The following TM4SF5 variants were observed in gnomAD, a reference collection of about 807,000 sequenced individuals.
TM4SF5 encodes transmembrane 4 L six family member 5.
TM4SF5 carries 16 observed loss-of-function variants against 22.3 expected under a neutral mutation model. The ratio of observed to expected loss-of-function variants is 0.72; its 90% CI spans 0.49 to 1.09. The LOEUF (loss-of-function observed/expected upper bound fraction) is 1.09, where lower values mean the gene tolerates loss of function less well. TM4SF5 is among the 50% of genes least tolerant of loss of function. TM4SF5 has a pLI of 0.00. For synonymous variants in TM4SF5, 113 were observed against 109.6 expected, an observed-to-expected ratio of 1.03 and a Z score of -0.19; for missense variants, 249 against 266.1, an observed-to-expected ratio of 0.94 and a Z score of 0.45.
At chr17:4,780,957 A>G in intron 2 of TM4SF5, 88 bp downstream of exon 2, 1 of 1,153,038 alleles carries the variant, frequency 8.7e-7, no homozygotes, top group Admixed American at 2.1e-5. Flanking sequence ...AGGTGGGAGT[A>G]CGGCTTGAGC....
intron 1 of TM4SF5, among the ~76,000 whole-genome samples, chr17:4,779,827 CAG>C (rs1917267790): frequency 6.6e-6 from 1 of 152,072 alleles, no homozygotes; most frequent in Non-Finnish European, 1.5e-5. Flanking sequence ...CAACTTCTGG[CAG>C]AGTGAAGAGC....
chr17:4,782,393 T>G, intron 2 of TM4SF5, 110 bp from the exon 3 acceptor site: 1 of 1,388,980 alleles, frequency 7.2e-7, no homozygotes, highest in Non-Finnish European at 1.0e-6. Context: ...AAAATACATT[T>G]TAACAACCCG....
In TM4SF5 at chr17:4,783,007, T is replaced by C. The variant is rs898295303; in HGVS notation, c.549T>C (p.Gly183=). ...TCCAGCTGGTGAACGCGACCATTGG[T>C]GTCTTCTGCGGCGATTGCAGGAAAA... ...CGIQLVNATI[G]VFCGDCRKKQ... Residue 183 remains glycine (G), a synonymous_variant, in exon 4 of 5, where the codon GGT becomes GGC. Coordinates refer to ENST00000270560, the MANE Select transcript of TM4SF5 (RefSeq NM_003963.3). 1.9e-5 allele frequency: 30 copies of C among 1,614,028 alleles called. No homozygotes were observed. Among genetic ancestry groups the C allele is most frequent in the Non-Finnish European group, 2.4e-5 (28 of 1,180,018 alleles).
chr17:4,783,167 G>GC lies in TM4SF5; in HGVS notation c.*39_*40insC, dbSNP rs371341141. The GC allele has an allele frequency of 6.4e-7, 1 of 1,555,346 alleles. No homozygotes were observed. Among genetic ancestry groups the GC allele is most frequent in the Non-Finnish European group, 8.7e-7 (1 of 1,152,742 alleles). ...GCCGGGTTACACCTGCTCCTTCCTGGACGCTCACTCCCTTGCTCGCTAGAA... is the reference window on the plus strand; with the variant it reads ...GCCGGGTTACACCTGCTCCTTCCTGGCACGCTCACTCCCTTGCTCGCTAGAA... On this transcript the variant is annotated 3_prime_UTR_variant, in exon 5 of 5. Coordinates refer to ENST00000270560, the MANE Select transcript of TM4SF5 (RefSeq NM_003963.3).
intron 1 of TM4SF5, among the ~76,000 whole-genome samples, chr17:4,776,490 C>T (rs1053972886): frequency 2.1e-4 from 31 of 151,172 alleles, no homozygotes; most frequent in Non-Finnish European, 1.2e-4. Context: ...TTAGTAGAGA[C>T]GGGGTTTCGC....
chr17:4,778,827 G>A (rs1917249838), intron 1 of TM4SF5, among the ~76,000 whole-genome samples: 1 of 152,124 alleles, frequency 6.6e-6, no homozygotes, highest in Non-Finnish European at 1.5e-5. Context: ...GGAGGCTGAG[G>A]CAGGCGGATC....
At chr17:4,773,194 C>T (rs531801549) in intron 1 of TM4SF5, among the ~76,000 whole-genome samples, 2 of 152,090 alleles carry the variant, frequency 1.3e-5, no homozygotes, top group South Asian at 2.1e-4. Flanking sequence ...TGTGAGCCAC[C>T]GCCCCAGCTT....
Position 4,771,948 on chromosome 17 carries a change from G to A in TM4SF5, c.26G>A (p.Cys9Tyr), listed in dbSNP as rs1377364965. 6.2e-7 allele frequency: 1 copy of A among 1,614,090 alleles called. No homozygotes were observed. Among genetic ancestry groups the A allele is most frequent in the Non-Finnish European group, 8.5e-7 (1 of 1,180,044 alleles). Residue 9 changes from cysteine to tyrosine, a missense_variant, in exon 1 of 5, where the codon TGT (cysteine) becomes TAT (tyrosine). Physicochemically the swap from Cys to Tyr is radical, Grantham distance 194. Transcript: ENST00000270560. MCTGKCARCVGLSLITLCL... is the reference protein window; with the variant it reads MCTGKCARYVGLSLITLCL... ...ATGTGTACGGGAAAATGTGCCCGCT[G>A]TGTGGGGCTCTCCCTCATTACCCTC... is the stretch of plus-strand genomic sequence containing the variant.
intron 3 of TM4SF5, 37 bp from the exon 4 acceptor site, chr17:4,782,817 C>G (rs926088887): frequency 1.9e-6 from 3 of 1,593,346 alleles, no homozygotes; most frequent in African/African-American, 1.3e-5. Flanking sequence ...CGCACGCGCA[C>G]GCTGCCTTCT....
chr17:4,777,429 T>C lies in TM4SF5; in HGVS notation c.178-3360T>C, dbSNP rs566037318. 5.9e-5 allele frequency among the ~76,000 whole-genome samples: 9 copies of C among 152,248 alleles called. No homozygotes were observed. The South Asian group carries it at 1.2e-3, about 21-fold the overall frequency. ...ATACTACAAAGGGAAGCAAACACTT[T>C]AATCAAAAGAGTAAAAATCTCAAAT... On this transcript the variant is annotated intron_variant, in intron 1 of 4. Coordinates refer to ENST00000270560, the MANE Select transcript of TM4SF5 (RefSeq NM_003963.3).
In TM4SF5 at chr17:4,783,097, C is replaced by T. The variant is rs1917349303; in HGVS notation, c.580-17C>T. 18 of 1,614,176 alleles carry T rather than the reference C, an allele frequency of 1.1e-5. No individual in the cohort carries two copies. The highest frequency in any genetic ancestry group is 1.5e-5 in the Non-Finnish European group (18 of 1,180,018). Reference sequence around the variant, plus strand: ...CTGCCTGGTCCTGGCTGCGTTCTCACCTTCTCTTTTCCGCAGGACACACCT... The same window carrying T: ...CTGCCTGGTCCTGGCTGCGTTCTCATCTTCTCTTTTCCGCAGGACACACCT... On this transcript the variant is annotated splice_polypyrimidine_tract_variant and intron_variant, in intron 4 of 4. Coordinates refer to ENST00000270560, the MANE Select transcript of TM4SF5 (RefSeq NM_003963.3).
intron 1 of TM4SF5, among the ~76,000 whole-genome samples, chr17:4,774,180 C>T (rs4790705): frequency 6.6e-6 from 1 of 152,106 alleles, no homozygotes; most frequent in South Asian, 2.1e-4. Context: ...CCATTGTGCT[C>T]CAGCCTGGGC....
chr17:4,772,117 G>C lies in TM4SF5; in HGVS notation c.177+18G>C. 6.2e-6 allele frequency: 10 copies of C among 1,614,006 alleles called. No homozygotes were observed. Among genetic ancestry groups the C allele is most frequent in the Non-Finnish European group, 8.5e-6 (10 of 1,179,982 alleles). ...GCCTAATGGTGAGAAGGCTGGCAGG[G>C]GAGCCCGGGCCAGCTGGCTGGGTGC... On this transcript the variant is annotated intron_variant, in intron 1 of 4. Transcript: ENST00000270560.
At chr17:4,777,976 G>A (rs1917239090) in intron 1 of TM4SF5, among the ~76,000 whole-genome samples, 1 of 151,018 alleles carries the variant, frequency 6.6e-6, no homozygotes, top group Non-Finnish European at 1.5e-5. Flanking sequence ...AGCCCAGGAG[G>A]TCGAGGCTGC....
chr17:4,783,169 C>T lies in TM4SF5; in HGVS notation c.*41C>T. ...CGGGTTACACCTGCTCCTTCCTGGA[C>T]GCTCACTCCCTTGCTCGCTAGAATA... On this transcript the variant is annotated 3_prime_UTR_variant, in exon 5 of 5. Coordinates refer to ENST00000270560, the MANE Select transcript of TM4SF5 (RefSeq NM_003963.3). 1.3e-6 allele frequency: 2 copies of T among 1,519,470 alleles called. No homozygotes were observed. The highest frequency in any genetic ancestry group is 1.8e-6 in the Non-Finnish European group (2 of 1,135,744). The allele number at this position is 1,519,470 out of a possible 1,614,324, so 94.1% of individuals were successfully genotyped here.
Position 4,783,043 on chromosome 17 carries a change from A to G in TM4SF5, c.579+6A>G. ...GCGATTGCAGGAAAAAACAGGTGAAATTTCTTGCGGTGGAGTTGTAGAGGG... is the reference window on the plus strand; with the variant it reads ...GCGATTGCAGGAAAAAACAGGTGAAGTTTCTTGCGGTGGAGTTGTAGAGGG... On this transcript the variant is annotated splice_donor_region_variant and intron_variant, in intron 4 of 4. Coordinates refer to ENST00000270560, the MANE Select transcript of TM4SF5 (RefSeq NM_003963.3). 1.9e-6 allele frequency: 3 copies of G among 1,613,930 alleles called. No individual in the cohort carries two copies. The highest frequency in any genetic ancestry group is 2.5e-6 in the Non-Finnish European group (3 of 1,179,914).
chr17:4,782,479 C>T (rs374119739), intron 2 of TM4SF5, 24 bp from the exon 3 acceptor site: 1 of 1,613,340 alleles, frequency 6.2e-7, no homozygotes, highest in Non-Finnish European at 8.5e-7. Flanking sequence ...TTGGGCCTTA[C>T]CTCCCCTTCC....
At chr17:4,781,272 A>G (rs561438453) in intron 2 of TM4SF5, among the ~76,000 whole-genome samples, 141 of 150,554 alleles carry the variant, frequency 9.4e-4, no homozygotes, top group African/African-American at 3.0e-3. Flanking sequence ...AGAGGTTGCA[A>G]TGGGCCGAGA....
At chr17:4,782,814 G>A (rs564433202) in intron 3 of TM4SF5, 40 bp from the exon 4 acceptor site, 5 of 1,590,714 alleles carry the variant, frequency 3.1e-6, no homozygotes, top group African/African-American at 1.3e-5. Flanking sequence ...TGGCGCACGC[G>A]CACGCTGCCT....
Sources: allele counts gnomAD v4.1 joint callset (sites outside exome capture counted in the v4.1 genomes callset), GRCh38; gene constraint gnomAD v4.1.1; transcripts MANE v1.5; gene names NCBI Gene and HGNC (gene_info 2026-07-23, HGNC 2026-07-21).